The following ATXN10 variants were observed in gnomAD, a reference collection of about 807,000 sequenced individuals.
The protein encoded by ATXN10 is ataxin-10.
In ATXN10, 28 loss-of-function variants were observed where a neutral mutation model predicts 52.9. The ratio of observed to expected loss-of-function variants is 0.53; its 90% CI spans 0.39 to 0.73. ATXN10 has a LOEUF of 0.73. Among genes scored for constraint, ATXN10 ranks in the 30% least tolerant of loss-of-function variants. The pLI is 0.00. For missense variants in ATXN10, 565 were observed against 577.0 expected, an observed-to-expected ratio of 0.98 and a Z score of 0.21; for synonymous variants, 226 against 221.5, an observed-to-expected ratio of 1.02 and a Z score of -0.18.
intron 10 of ATXN10, among the ~76,000 whole-genome samples, chr22:45,832,873 A>G (rs1929037914): frequency 6.6e-6 from 1 of 152,254 alleles, no homozygotes; most frequent in South Asian, 2.1e-4. Flanking sequence ...TTAGAGAGAT[A>G]CGCGTCAAGG....
At position 45,739,971 on chromosome 22, in the gene ATXN10, A is replaced by G. The variant is rs79087255; in HGVS notation, c.1004-398A>G. 1.9e-3 allele frequency among the ~76,000 whole-genome samples: 292 copies of G among 152,316 alleles called. 1 individual carries two copies. The highest frequency in any genetic ancestry group is 6.8e-3 in the African/African-American group (284 of 41,568). On this transcript the variant is annotated intron_variant, in intron 8 of 11. Coordinates refer to ENST00000252934, the MANE Select transcript of ATXN10 (RefSeq NM_013236.4). ...CTTCTTGGTTTCTGTCATATGCATC[A>G]TTATGGATAGATATTGTGTTTTAGA...
At chr22:45,748,269 T>G (rs1348525799) in intron 9 of ATXN10, among the ~76,000 whole-genome samples, 1 of 152,200 alleles carries the variant, frequency 6.6e-6, no homozygotes, top group Admixed American at 6.5e-5. Context: ...ACCAGTCCCT[T>G]TGGAATTGAA....
chr22:45,815,155 G>A (rs1928416764), intron 10 of ATXN10, among the ~76,000 whole-genome samples: 1 of 152,216 alleles, frequency 6.6e-6, no homozygotes, highest in Admixed American at 6.5e-5. Flanking sequence ...CCATACGGCA[G>A]TAAAGAGGAG....
At position 45,744,765 on chromosome 22, in the gene ATXN10, A is replaced by G. The variant is rs1409718686; in HGVS notation, c.1173+4227A>G. On this transcript the variant is annotated intron_variant, in intron 9 of 11. Transcript: ENST00000252934. This position sits in a 1 kb window ranked among gnomAD's most constrained non-coding sequence, Gnocchi z 4.9. ...CAGGAGCATGGTATCAACTGGAAGG[A>G]TGGTCATCTTTCTTTGAGATACTTG... 3 of 152,214 alleles carry G rather than the reference A, an allele frequency of 2.0e-5. No homozygotes were observed. Among genetic ancestry groups the G allele is most frequent in the African/African-American group, 4.8e-5 (2 of 41,456 alleles). The allele number at this position is 152,214 out of a possible 1,614,324, so 9.4% of individuals were successfully genotyped here. A position where few individuals can be genotyped will look rare whatever the true frequency, so the allele number is the denominator to read the frequency against.
rs1274055226 is a variant in ATXN10, at chr22:45,786,323, A to G, written c.1174-20636A>G. Among the ~76,000 whole-genome samples the G allele has an allele frequency of 6.6e-6, 1 of 152,230 alleles. No individual in the cohort carries two copies. The highest frequency in any genetic ancestry group is 2.4e-5 in the African/African-American group (1 of 41,456). ...CTACTTTACCCTATTGAGTTTTGCCATAGAACTGTAGTATCATTCTCTCTG... is the reference window on the plus strand; with the variant it reads ...CTACTTTACCCTATTGAGTTTTGCCGTAGAACTGTAGTATCATTCTCTCTG... On this transcript the variant is annotated intron_variant, in intron 9 of 11. Transcript: ENST00000252934. This position sits in a 1 kb window ranked among gnomAD's most constrained non-coding sequence, Gnocchi z 4.1.
At chr22:45,697,846 G>A (rs1923679472) in intron 3 of ATXN10, among the ~76,000 whole-genome samples, 1 of 151,702 alleles carries the variant, frequency 6.6e-6, no homozygotes, top group Non-Finnish European at 1.5e-5. Flanking sequence ...TAGCCAGGAT[G>A]GTCTCGATCT....
rs367918700 is a variant in ATXN10 at position 45,781,472 on chromosome 22, G to T, written c.1174-25487G>T. On this transcript the variant is annotated intron_variant, in intron 9 of 11. Coordinates refer to ENST00000252934, the MANE Select transcript of ATXN10 (RefSeq NM_013236.4). The surrounding 1 kb of genome is among the most constrained non-coding windows in gnomAD (Gnocchi z 4.2). Reference sequence around the variant, plus strand: ...AGTAGTGAGCTGCTCTGCCTTCCACGTGCTGTTGTTGAACGAGCTCTGCTA... The same window carrying T: ...AGTAGTGAGCTGCTCTGCCTTCCACTTGCTGTTGTTGAACGAGCTCTGCTA... Among the ~76,000 whole-genome samples, 1 of 152,192 alleles carries T rather than the reference G, an allele frequency of 6.6e-6. No homozygotes were observed. The highest frequency in any genetic ancestry group is 2.4e-5 in the African/African-American group (1 of 41,436).
At chr22:45,739,216 C>T (rs1428103785) in intron 8 of ATXN10, among the ~76,000 whole-genome samples, 1 of 152,098 alleles carries the variant, frequency 6.6e-6, no homozygotes, top group East Asian at 1.9e-4. Context: ...TAAATTTTTC[C>T]CATTTACATT....
chr22:45,758,668 G>C (rs1569052934), intron 9 of ATXN10, among the ~76,000 whole-genome samples: 1 of 152,360 alleles, frequency 6.6e-6, no homozygotes, highest in Non-Finnish European at 1.5e-5. Flanking sequence ...CTGGCCATGT[G>C]TTTGCACACG....
At position 45,787,323 on chromosome 22, in the gene ATXN10, A is replaced by G. The variant is rs1221390281; in HGVS notation, c.1174-19636A>G. Reference sequence around the variant, plus strand: ...TGAGGGTGACGATCCTCTAGCTGAAATGGACTCTAATTCTCATTGACTCCA... The same window carrying G: ...TGAGGGTGACGATCCTCTAGCTGAAGTGGACTCTAATTCTCATTGACTCCA... On this transcript the variant is annotated intron_variant, in intron 9 of 11. Transcript: ENST00000252934. The surrounding 1 kb of genome is among the most constrained non-coding windows in gnomAD (Gnocchi z 4.2). 6.6e-6 allele frequency among the ~76,000 whole-genome samples: 1 copy of G among 152,114 alleles called. No individual in the cohort carries two copies. The highest frequency in any genetic ancestry group is 1.5e-5 in the Non-Finnish European group (1 of 68,022).
intron 5 of ATXN10, chr22:45,703,879 A>G (rs1187490710): frequency 1.3e-5 from 2 of 152,212 alleles, no homozygotes; most frequent in African/African-American, 4.8e-5. Context: ...CCCCTAGGAG[A>G]CAGAAGAGCA....
At position 45,681,757 on chromosome 22, in the gene ATXN10, C is replaced by T. The variant is rs1390520527; in HGVS notation, c.117-7955C>T. Among the ~76,000 whole-genome samples the T allele has an allele frequency of 3.9e-5, 6 of 152,086 alleles. No individual in the cohort carries two copies. Among genetic ancestry groups the T allele is most frequent in the Admixed American group, 6.5e-5 (1 of 15,270 alleles). On this transcript the variant is annotated intron_variant, in intron 1 of 11. Coordinates refer to ENST00000252934, the MANE Select transcript of ATXN10 (RefSeq NM_013236.4). This position sits in a 1 kb window ranked among gnomAD's most constrained non-coding sequence, Gnocchi z 4.2. Reference sequence around the variant, plus strand: ...GGCCCTTAATGCTACCTGTCAGTCCCGCTGTTTGCCCTGGTCCCTTGACTC... The same window carrying T: ...GGCCCTTAATGCTACCTGTCAGTCCTGCTGTTTGCCCTGGTCCCTTGACTC...
chr22:45,705,394 AGGGTTTT>A lies in ATXN10; in HGVS notation c.647+2550_647+2556del, dbSNP rs1923999227. Among the ~76,000 whole-genome samples the A allele has an allele frequency of 6.6e-6, 1 of 151,106 alleles. No homozygotes were observed. The highest frequency in any genetic ancestry group is 1.5e-5 in the Non-Finnish European group (1 of 67,884). The stretch of plus-strand genomic sequence containing the variant: ...TGGTCTTGGGCTTTTTATCATGGGA[AGGGTTTT>A]GGTTACTAATTCAAACCTGTTACTT... On this transcript the variant is annotated intron_variant, in intron 5 of 11. Transcript: ENST00000252934. This position sits in a 1 kb window ranked among gnomAD's most constrained non-coding sequence, Gnocchi z 5.2.
At position 45,819,969 on chromosome 22, in the gene ATXN10, C is replaced by G. The variant is rs1928594997; in HGVS notation, c.1237+12947C>G. 6.6e-6 allele frequency among the ~76,000 whole-genome samples: 1 copy of G among 152,082 alleles called. No homozygotes were observed. The highest frequency in any genetic ancestry group is 2.4e-5 in the African/African-American group (1 of 41,390). ...TGTCAGGATTTTTGTCTAAAAAGACCTTAGTCACATTTAGCAGTGACCAAG... is the reference window on the plus strand; with the variant it reads ...TGTCAGGATTTTTGTCTAAAAAGACGTTAGTCACATTTAGCAGTGACCAAG... On this transcript the variant is annotated intron_variant, in intron 10 of 11. Coordinates refer to ENST00000252934, the MANE Select transcript of ATXN10 (RefSeq NM_013236.4). This position sits in a 1 kb window ranked among gnomAD's most constrained non-coding sequence, Gnocchi z 4.5.
At chr22:45,821,362 A>C (rs928392628) in intron 10 of ATXN10, among the ~76,000 whole-genome samples, 27 of 151,952 alleles carry the variant, frequency 1.8e-4, no homozygotes, top group African/African-American at 5.8e-4. Context: ...AAAAAAAAAA[A>C]AAAAACGAAC....
At chr22:45,703,529 C>T (rs576758350) in intron 5 of ATXN10, among the ~76,000 whole-genome samples, 3 of 152,126 alleles carry the variant, frequency 2.0e-5, no homozygotes, top group Admixed American at 6.5e-5. Flanking sequence ...TCTGGGACTC[C>T]ATGTTTTAGG....
At chr22:45,814,960 C>G (rs1388439837) in intron 10 of ATXN10, among the ~76,000 whole-genome samples, 1 of 152,184 alleles carries the variant, frequency 6.6e-6, no homozygotes, top group East Asian at 1.9e-4. Flanking sequence ...CCCCATCCGT[C>G]CTGGAAAAAT....
chr22:45,797,307 T>C (rs1927776524), intron 9 of ATXN10, among the ~76,000 whole-genome samples: 1 of 152,176 alleles, frequency 6.6e-6, no homozygotes, highest in Non-Finnish European at 1.5e-5. Context: ...AGACAGACCA[T>C]ATGCTGGGGC....
chr22:45,786,315 G>C lies in ATXN10; in HGVS notation c.1174-20644G>C, dbSNP rs1927321238. Among the ~76,000 whole-genome samples, 1 of 152,204 alleles carries C rather than the reference G, an allele frequency of 6.6e-6. No homozygotes were observed. Among genetic ancestry groups the C allele is most frequent in the Non-Finnish European group, 1.5e-5 (1 of 68,038 alleles). On this transcript the variant is annotated intron_variant, in intron 9 of 11. Transcript: ENST00000252934. The surrounding 1 kb of genome is among the most constrained non-coding windows in gnomAD (Gnocchi z 4.1). ...GCTACTCACTACTTTACCCTATTGAGTTTTGCCATAGAACTGTAGTATCAT... is the reference window on the plus strand; with the variant it reads ...GCTACTCACTACTTTACCCTATTGACTTTTGCCATAGAACTGTAGTATCAT...
Sources: allele counts gnomAD v4.1 joint callset (sites outside exome capture counted in the v4.1 genomes callset), GRCh38; gene constraint gnomAD v4.1.1; non-coding constraint Gnocchi (gnomAD v3.1); transcripts MANE v1.5; gene names NCBI Gene and HGNC (gene_info 2026-07-23, HGNC 2026-07-21).